BAHCC1: variants seen among roughly 807,000 people sequenced by gnomAD.
BAHCC1 encodes the protein BAH domain and coiled-coil containing 1, also known as BAH and coiled-coil domain-containing protein 1.
BAHCC1 carries 43 observed loss-of-function variants against 88.2 expected under a neutral mutation model. That is an observed-to-expected ratio of 0.49 (90% CI 0.38 to 0.63). The LOEUF (loss-of-function observed/expected upper bound fraction) is 0.63, where lower values mean the gene tolerates loss of function less well. BAHCC1 is among the 20% of genes least tolerant of loss of function. The pLI is 0.00. For synonymous variants in BAHCC1, 1,510 were observed against 745.5 expected (o/e 2.03, Z -16.71); for missense variants, 3,023 against 1,654.8 (o/e 1.83, Z -14.34).
chr17:81,461,312 T>C lies in BAHCC1; in HGVS notation c.6649T>C (p.Ser2217Pro). ...CAAGCTGGACCACGAGGGTGTGACC[T>C]CCCCCAAGAACAAGACCTGCAAGGC... ...LVKLDHEGVT[S>P]PKNKTCKALL... The change falls in exon 26 of 28, where the codon TCC becomes CCC. Residue 2217 changes from serine to proline, a missense_variant. Ser to Pro is a moderately conservative substitution (Grantham distance 74, BLOSUM62 -1). Coordinates refer to ENST00000675386, the MANE Select transcript of BAHCC1 (RefSeq NM_001377448.1). 2.8e-6 allele frequency: 2 copies of C among 718,860 alleles called. No individual in the cohort carries two copies. The highest frequency in any genetic ancestry group is 2.0e-5 in the Admixed American group (1 of 51,158). The allele number at this position is 718,860 out of a possible 1,614,324, so 44.5% of individuals were successfully genotyped here. A position where few individuals can be genotyped will look rare whatever the true frequency, so the allele number is the denominator to read the frequency against.
chr17:81,458,269 C>T lies in BAHCC1; in HGVS notation c.5146C>T (p.Pro1716Ser), dbSNP rs782006367. The stretch of plus-strand genomic sequence containing the variant: ...GGAGCGGGCCCCAGGGCAGAGGCCC[C>T]CAGGTGCGCTGGGCAAGAAGAAAGC... ...TLERAPGQRPPGALGKKKAKG... is the reference protein window; with the variant it reads ...TLERAPGQRPSGALGKKKAKG... Residue 1716 changes from proline to serine, a missense_variant, in exon 18 of 28, where the codon CCA becomes TCA. Coordinates refer to ENST00000675386, the MANE Select transcript of BAHCC1 (RefSeq NM_001377448.1). 5 of 746,804 alleles carry T rather than the reference C, an allele frequency of 6.7e-6. No individual in the cohort carries two copies. The African/African-American group carries it at 8.6e-5, about 13-fold the overall frequency. The allele number at this position is 746,804 out of a possible 1,614,324, so 46.3% of individuals were successfully genotyped here.
chr17:81,429,552 C>A lies in BAHCC1; in HGVS notation c.358+2573C>A, dbSNP rs960908652. On this transcript the variant is annotated intron_variant, in intron 3 of 27. Transcript: ENST00000675386. ...GCTAGTTTGACAGGGTGCCAGCTGG[C>A]TCCCCGTGCGCCGGGCCTGTTTCTC... 3.6e-3 allele frequency among the ~76,000 whole-genome samples: 552 copies of A among 152,290 alleles called. 2 individuals are homozygous for A. Among genetic ancestry groups the A allele is most frequent in the African/African-American group, 0.013 (521 of 41,560 alleles).
At chr17:81,410,339 C>G (rs1028549503) in intron 2 of BAHCC1, among the ~76,000 whole-genome samples, 5 of 152,218 alleles carry the variant, frequency 3.3e-5, no homozygotes, top group Admixed American at 2.6e-4. Context: ...GCCTCAGGCC[C>G]AGGCCCTCTC....
In BAHCC1 at chr17:81,456,351, GC is replaced by G; in HGVS notation, c.4627del (p.His1543ThrfsTer6). 1 of 722,468 alleles carries G rather than the reference GC, an allele frequency of 1.4e-6. No individual in the cohort carries two copies. The highest frequency in any genetic ancestry group is 2.6e-6 in the Non-Finnish European group (1 of 388,888). 44.8% of individuals were successfully genotyped at this position (722,468 alleles called of 1,614,324 possible). On this transcript the variant is annotated frameshift_variant, in exon 16 of 28. Coordinates refer to ENST00000675386, the MANE Select transcript of BAHCC1 (RefSeq NM_001377448.1). LOFTEE classifies it high-confidence loss of function. ...TCAGGGCGGGCTGGCGCCCTCCGTG[GC>G]CCACAGGGTGGCCCAGCTGAAACCC... ...SCQGGLAPSV[A>X]HRVAQLKPKV... is the part of the protein sequence containing the mutation.
At chr17:81,401,954 C>T (rs1156548225) in intron 2 of BAHCC1, 1 of 152,376 alleles carries the variant, frequency 6.6e-6, no homozygotes, top group African/African-American at 2.4e-5. Context: ...GGTGGCCTAG[C>T]CCTTTGTCTT....
intron 15 of BAHCC1, among the ~76,000 whole-genome samples, chr17:81,455,709 AG>A (rs1272523573): frequency 3.3e-5 from 5 of 152,272 alleles, no homozygotes; most frequent in African/African-American, 1.2e-4. Context: ...GCCTTTCTTC[AG>A]GTGGCCCAGG....
intron 2 of BAHCC1, among the ~76,000 whole-genome samples, chr17:81,404,328 T>C (rs1353518822): frequency 6.6e-6 from 1 of 152,230 alleles, no homozygotes; most frequent in African/African-American, 2.4e-5. Context: ...TACGGGAACT[T>C]GGTTCAAGCT....
chr17:81,404,859 C>T (rs1555646602), intron 2 of BAHCC1, among the ~76,000 whole-genome samples: 1 of 152,106 alleles, frequency 6.6e-6, no homozygotes, highest in Non-Finnish European at 1.5e-5. Flanking sequence ...TGTCTGGAGG[C>T]AGGGACCGGA....
intron 13 of BAHCC1, among the ~76,000 whole-genome samples, chr17:81,452,453 TGGG>T (rs1203970286): frequency 3.8e-5 from 2 of 52,694 alleles, no homozygotes; most frequent in African/African-American, 7.8e-5. Context: ...GGGCAGAAGT[TGGG>T]GGATTCTCTG....
At chr17:81,459,013 G>C in intron 20 of BAHCC1, 41 bp from the exon 21 acceptor site, 1 of 725,150 alleles carries the variant, frequency 1.4e-6, no homozygotes, top group Non-Finnish European at 2.6e-6. Flanking sequence ...GGGAGGGGTG[G>C]TGGGTAGGCC....
chr17:81,444,191 G>GT, intron 6 of BAHCC1, 190 bp from the exon 7 acceptor site: 2 of 606,656 alleles, frequency 3.3e-6, no homozygotes, highest in East Asian at 5.5e-5. Flanking sequence ...GCTGGAGCCT[G>GT]GGGTTTTCCC....
intron 1 of BAHCC1, among the ~76,000 whole-genome samples, chr17:81,398,531 C>T (rs987408098): frequency 6.6e-6 from 1 of 152,228 alleles, no homozygotes; most frequent in Admixed American, 6.5e-5. Flanking sequence ...TGCTCGCGGT[C>T]CCCGGCAGGC....
intron 10 of BAHCC1, 140 bp downstream of exon 10, chr17:81,445,821 T>G (rs1163806328): frequency 3.0e-5 from 18 of 602,020 alleles, no homozygotes; most frequent in Non-Finnish European, 5.1e-5. Flanking sequence ...GGCTGTTCCC[T>G]TCCTCTCTCT....
intron 2 of BAHCC1, among the ~76,000 whole-genome samples, chr17:81,405,370 G>T (rs1555646681): frequency 6.6e-6 from 1 of 152,116 alleles, no homozygotes; most frequent in Admixed American, 6.5e-5. Context: ...CCGGCCTCTG[G>T]TGTCTTTTGA....
At chr17:81,406,106 G>A (rs1182560490) in intron 2 of BAHCC1, among the ~76,000 whole-genome samples, 1 of 152,224 alleles carries the variant, frequency 6.6e-6, no homozygotes, top group East Asian at 1.9e-4. Flanking sequence ...CCTTCTTAAT[G>A]GGTTCATCCT....
rs782226991 is a variant in BAHCC1, at chr17:81,445,558, G to C, written c.3040G>C (p.Ala1014Pro). 1.4e-6 allele frequency: 1 copy of C among 723,112 alleles called. No homozygotes were observed. Among genetic ancestry groups the C allele is most frequent in the Admixed American group, 2.0e-5 (1 of 51,088 alleles). 44.8% of individuals were successfully genotyped at this position (723,112 alleles called of 1,614,324 possible). Reference sequence around the variant, plus strand: ...CCCCACCCCACCACCTCGGCCCAGCGCCCCGTGCACTTTAAATGTCTGCCC... The same window carrying C: ...CCCCACCCCACCACCTCGGCCCAGCCCCCCGTGCACTTTAAATGTCTGCCC... Reference protein sequence around the residue: ...SSPTPPPRPSAPCTLNVCPAS... With the variant: ...SSPTPPPRPSPPCTLNVCPAS... The change falls in exon 10 of 28, where the codon GCC (alanine) becomes CCC (proline). Residue 1014 changes from alanine to proline, a missense_variant. Coordinates refer to ENST00000675386, the MANE Select transcript of BAHCC1 (RefSeq NM_001377448.1).
In BAHCC1 at chr17:81,442,841, A is replaced by G. The variant is rs890714498; in HGVS notation, c.1492A>G (p.Thr498Ala). 1.3e-6 allele frequency: 1 copy of G among 779,340 alleles called. No homozygotes were observed. Among genetic ancestry groups the G allele is most frequent in the Non-Finnish European group, 2.4e-6 (1 of 417,904 alleles). 48.3% of individuals were successfully genotyped at this position (779,340 alleles called of 1,614,324 possible). Residue 498 changes from threonine (T) to alanine (A), a missense_variant, in exon 5 of 28, where the codon ACC becomes GCC. By Grantham distance (58) the Thr-to-Ala change is moderately conservative. Coordinates refer to ENST00000675386, the MANE Select transcript of BAHCC1 (RefSeq NM_001377448.1). ...CAAAAGCGGCTACTTCGAGTTGCCC[A>G]CCTCTTCACAGGACTGTGCCCGGCC... is the stretch of plus-strand genomic sequence containing the variant. ...LDKSGYFELP[T>A]SSQDCARPGH...
Position 81,452,869 on chromosome 17 carries a change from G to T in BAHCC1, c.4445+18G>T. 2.8e-6 allele frequency: 2 copies of T among 725,084 alleles called. No individual in the cohort carries two copies. Among genetic ancestry groups the T allele is most frequent in the Admixed American group, 2.0e-5 (1 of 49,426 alleles). The allele number at this position is 725,084 out of a possible 1,614,324, so 44.9% of individuals were successfully genotyped here. ...AAAGTCAAGTGAGTCCTGGGCACTG[G>T]CATGGCAGGGCGCGTGTGGCCGGCC... On this transcript the variant is annotated intron_variant, in intron 14 of 27. Coordinates refer to ENST00000675386, the MANE Select transcript of BAHCC1 (RefSeq NM_001377448.1).
intron 11 of BAHCC1, 79 bp from the exon 12 acceptor site, chr17:81,451,589 G>A (rs2064635266): frequency 1.5e-6 from 1 of 664,844 alleles, no homozygotes; most frequent in Non-Finnish European, 2.8e-6. Context: ...GGCTTCAGGG[G>A]GCCAGGGCTG....
Sources: gnomAD v4.1 joint callset for allele counts (sites outside exome capture counted in the v4.1 genomes callset) on GRCh38, gnomAD v4.1.1 for gene constraint, MANE v1.5 for transcripts, NCBI Gene and HGNC (gene_info 2026-07-23, HGNC 2026-07-21) for gene names.